ITGBL1: variants seen among roughly 807,000 people sequenced by gnomAD.
ITGBL1 encodes integrin subunit beta like 1.
A neutral mutation model predicts 68.5 loss-of-function variants in ITGBL1; 51 were observed. The ratio of observed to expected loss-of-function variants is 0.74; its 90% CI spans 0.59 to 0.94. ITGBL1 has a LOEUF of 0.94. Among genes scored for constraint, ITGBL1 ranks in the 40% least tolerant of loss-of-function variants. ITGBL1 has a pLI of 0.00. For synonymous variants in ITGBL1, 209 were observed against 227.3 expected, an observed-to-expected ratio of 0.92 and a Z score of 0.72; for missense variants, 649 against 647.4, an observed-to-expected ratio of 1.00 and a Z score of -0.03.
At position 101,464,517 on chromosome 13, in the gene ITGBL1, G is replaced by GTC. The variant is rs767252061; in HGVS notation, c.316+10431_316+10432dup. ...TGTATACATAGAAGACCCAGAGAGGGTCTCTCTCTCTCTCTATATATATAT... is the reference window on the plus strand; with the variant it reads ...TGTATACATAGAAGACCCAGAGAGGGTCTCTCTCTCTCTCTCTATATATATAT... On this transcript the variant is annotated intron_variant, in intron 2 of 10. Transcript: ENST00000376180. 5.4e-3 allele frequency among the ~76,000 whole-genome samples: 815 copies of GTC among 151,084 alleles called. 3 individuals are homozygous for GTC. Among genetic ancestry groups the GTC allele is most frequent in the African/African-American group, 8.7e-3 (359 of 41,300 alleles).
chr13:101,703,372 T>G (rs899115245), intron 8 of ITGBL1, among the ~76,000 whole-genome samples: 1 of 152,104 alleles, frequency 6.6e-6, no homozygotes, highest in Non-Finnish European at 1.5e-5. Context: ...ATGACAAATG[T>G]GCAGGAAACA....
At chr13:101,633,337 G>A (rs2032050439) in intron 7 of ITGBL1, among the ~76,000 whole-genome samples, 2 of 152,166 alleles carry the variant, frequency 1.3e-5, no homozygotes, top group South Asian at 4.2e-4. Flanking sequence ...ATTAAGAAGG[G>A]TATGCATATT....
chr13:101,687,920 G>A (rs532334036), intron 7 of ITGBL1, among the ~76,000 whole-genome samples: 11 of 151,810 alleles, frequency 7.2e-5, no homozygotes, highest in Admixed American at 2.6e-4. Flanking sequence ...TAAATATGTC[G>A]TATAAAGTAG....
chr13:101,655,762 C>T (rs184092620), intron 7 of ITGBL1, among the ~76,000 whole-genome samples: 2 of 152,334 alleles, frequency 1.3e-5, no homozygotes, highest in East Asian at 3.9e-4. Context: ...GGAGGCAGAT[C>T]TTATGACGCT....
chr13:101,583,458 T>C (rs1017563324), intron 6 of ITGBL1, 102 bp downstream of exon 6: 2 of 936,432 alleles, frequency 2.1e-6, no homozygotes, highest in Non-Finnish European at 3.1e-6. Flanking sequence ...TAAGACATAC[T>C]GTTGGATAGC....
intron 2 of ITGBL1, among the ~76,000 whole-genome samples, chr13:101,558,083 C>CAAAAAAAAAAAAAAAAAAAAA (rs568103738): frequency 4.2e-5 from 3 of 71,688 alleles, no homozygotes; most frequent in African/African-American, 2.0e-4. Flanking sequence ...AACTCCGTCT[C>CAAAAAAAAAAAAAAAAAAAAA]AAAAAAAAAA....
intron 6 of ITGBL1, 34 bp from the exon 7 acceptor site, chr13:101,598,119 T>C: frequency 6.4e-7 from 1 of 1,566,022 alleles, no homozygotes; most frequent in Non-Finnish European, 8.7e-7. Context: ...TATCTTTATG[T>C]ACATTTTTAT....
At chr13:101,524,069 C>A (rs973690512) in intron 2 of ITGBL1, among the ~76,000 whole-genome samples, 2 of 151,674 alleles carry the variant, frequency 1.3e-5, no homozygotes, top group African/African-American at 4.8e-5. Context: ...TACTGCAGTG[C>A]AGTGTGATTA....
chr13:101,557,595 A>T (rs913934623), intron 2 of ITGBL1, among the ~76,000 whole-genome samples: 7 of 151,922 alleles, frequency 4.6e-5, no homozygotes, highest in African/African-American at 1.5e-4. Context: ...GAAGATGCAT[A>T]TTTTTTTTCA....
intron 6 of ITGBL1, among the ~76,000 whole-genome samples, chr13:101,584,622 A>G (rs2050519830): frequency 6.6e-6 from 1 of 152,168 alleles, no homozygotes; most frequent in Admixed American, 6.5e-5. Context: ...CCCTCTTCTG[A>G]TAATCTCTTG....
chr13:101,488,818 A>T (rs1412472028), intron 2 of ITGBL1, among the ~76,000 whole-genome samples: 2 of 152,162 alleles, frequency 1.3e-5, no homozygotes, highest in Non-Finnish European at 2.9e-5. Context: ...AGCCATGCCA[A>T]TATTAGGTTC....
At chr13:101,609,180 A>G (rs1461865980) in intron 7 of ITGBL1, among the ~76,000 whole-genome samples, 2 of 152,126 alleles carry the variant, frequency 1.3e-5, no homozygotes, top group Non-Finnish European at 2.9e-5. Flanking sequence ...CTTAAACTGT[A>G]TATGCATCAT....
chr13:101,669,275 G>A (rs1188429421), intron 7 of ITGBL1, among the ~76,000 whole-genome samples: 1 of 151,966 alleles, frequency 6.6e-6, no homozygotes, highest in Non-Finnish European at 1.5e-5. Flanking sequence ...ATGAGGAAGT[G>A]TTTTTAGGTA....
Position 101,660,102 on chromosome 13 carries a change from GC to G in ITGBL1, c.1016-32480del, listed in dbSNP as rs199754317. Among the ~76,000 whole-genome samples the G allele has an allele frequency of 2.9e-3, 443 of 152,254 alleles. 2 individuals are homozygous for G. The highest frequency in any genetic ancestry group is 0.01 in the African/African-American group (417 of 41,538). On this transcript the variant is annotated intron_variant, in intron 7 of 10. Coordinates refer to ENST00000376180, the MANE Select transcript of ITGBL1 (RefSeq NM_004791.3). ...TGTAACCACCAGACAGGTTCTTCCTGCCCGCTGAACAAAGTTAATTCATGGA... is the reference window on the plus strand; with the variant it reads ...TGTAACCACCAGACAGGTTCTTCCTGCCGCTGAACAAAGTTAATTCATGGA...
At chr13:101,670,549 T>C (rs982055600) in intron 7 of ITGBL1, among the ~76,000 whole-genome samples, 1 of 152,236 alleles carries the variant, frequency 6.6e-6, no homozygotes, top group African/African-American at 2.4e-5. Flanking sequence ...ATTTTTGACA[T>C]TTTCTGTCAC....
At chr13:101,499,110 T>G (rs1172564562) in intron 2 of ITGBL1, among the ~76,000 whole-genome samples, 1 of 152,132 alleles carries the variant, frequency 6.6e-6, no homozygotes, top group East Asian at 1.9e-4. Context: ...CCAAACCATA[T>G]CAGTTTCTGA....
chr13:101,656,211 T>C (rs1474164406), intron 7 of ITGBL1, among the ~76,000 whole-genome samples: 2 of 152,200 alleles, frequency 1.3e-5, no homozygotes, highest in African/African-American at 2.4e-5. Flanking sequence ...TTATAGTGGC[T>C]GCCCTTAGAG....
At chr13:101,580,334 A>C (rs1395691419) in intron 5 of ITGBL1, among the ~76,000 whole-genome samples, 1 of 152,202 alleles carries the variant, frequency 6.6e-6, no homozygotes, top group East Asian at 1.9e-4. Context: ...CTTTACATAG[A>C]GAAAATAAAT....
intron 2 of ITGBL1, among the ~76,000 whole-genome samples, chr13:101,485,767 G>A (rs1211409694): frequency 1.3e-5 from 2 of 151,994 alleles, no homozygotes; most frequent in Non-Finnish European, 2.9e-5. Context: ...ACTCCAGCCT[G>A]GTCAACAGCG....
Sources: allele counts gnomAD v4.1 joint callset (sites outside exome capture counted in the v4.1 genomes callset), GRCh38; gene constraint gnomAD v4.1.1; transcripts MANE v1.5; gene names NCBI Gene and HGNC (gene_info 2026-07-23, HGNC 2026-07-21).